The following HMG20A variants were observed in gnomAD, a reference collection of about 807,000 sequenced individuals.
The protein encoded by HMG20A is high mobility group 20A, also known as high mobility group protein 20A.
HMG20A carries 17 observed loss-of-function variants against 43.9 expected under a neutral mutation model. The ratio of observed to expected loss-of-function variants is 0.39; its 90% CI spans 0.27 to 0.58. HMG20A has a LOEUF of 0.58. HMG20A is among the 20% of genes least tolerant of loss of function. The probability of loss-of-function intolerance (pLI) is 0.59; values close to 1 mark genes in which losing one functional copy is unlikely to be tolerated. For synonymous variants in HMG20A, 132 were observed against 147.5 expected (o/e 0.89, Z 0.76); for missense variants, 341 against 438.2 (o/e 0.78, Z 1.98).
the HMG20A span, among the ~76,000 whole-genome samples, chr15:77,495,560 GAAC>G: frequency 2.0e-5 from 3 of 151,836 alleles, no homozygotes; most frequent in East Asian, 3.9e-4. Context: ...AAAAAATAAA[GAAC>G]AACAACAAAA....
At chr15:77,461,134 G>A (rs74782864) in intron 2 of HMG20A, among the ~76,000 whole-genome samples, 1 of 152,112 alleles carries the variant, frequency 6.6e-6, no homozygotes, top group African/African-American at 2.4e-5. Context: ...GAGGGGAAAA[G>A]ATCAACTGTG....
the HMG20A span, among the ~76,000 whole-genome samples, chr15:77,514,335 T>C: frequency 6.6e-6 from 1 of 152,310 alleles, no homozygotes; most frequent in Middle Eastern, 3.4e-3. Flanking sequence ...ATTTCATTTC[T>C]ATGAAGGTCA....
intron 4 of HMG20A, among the ~76,000 whole-genome samples, chr15:77,470,048 A>C (rs1345081702): frequency 6.6e-6 from 1 of 152,168 alleles, no homozygotes; most frequent in Non-Finnish European, 1.5e-5. Context: ...AATAGTATGA[A>C]GTTTTTTCTA....
chr15:77,443,457 TCTCACCTC>T, intron 1 of HMG20A, among the ~76,000 whole-genome samples: 1 of 149,626 alleles, frequency 6.7e-6, no homozygotes, highest in East Asian at 2.0e-4. Flanking sequence ...AGTGGCACGA[TCTCACCTC>T]ACTGCAACAT....
chr15:77,468,006 C>G (rs1278913346), intron 4 of HMG20A, among the ~76,000 whole-genome samples: 2 of 152,208 alleles, frequency 1.3e-5, no homozygotes, highest in Non-Finnish European at 2.9e-5. Context: ...GTCTTAAACT[C>G]TTTTATGACT....
intron 4 of HMG20A, among the ~76,000 whole-genome samples, chr15:77,468,033 G>A (rs2072772459): frequency 6.6e-6 from 1 of 152,152 alleles, no homozygotes; most frequent in Non-Finnish European, 1.5e-5. Flanking sequence ...TTTTAAAAAG[G>A]ATTCCAGACA....
intron 1 of HMG20A, among the ~76,000 whole-genome samples, chr15:77,450,128 AT>A (rs2073719422): frequency 6.6e-6 from 1 of 151,706 alleles, no homozygotes; most frequent in African/African-American, 2.4e-5. Flanking sequence ...TTATTTATTT[AT>A]TTTTTTATTT....
chr15:77,481,506 T>C (rs2072905475), intron 9 of HMG20A, among the ~76,000 whole-genome samples: 1 of 152,232 alleles, frequency 6.6e-6, no homozygotes, highest in African/African-American at 2.4e-5. Flanking sequence ...TTCACATAGA[T>C]ACAGGGCAGC....
chr15:77,441,658 C>T (rs1056670853), intron 1 of HMG20A, among the ~76,000 whole-genome samples: 2 of 152,156 alleles, frequency 1.3e-5, no homozygotes, highest in Non-Finnish European at 1.5e-5. Context: ...GTAGTTTATG[C>T]AGCATATCAT....
At chr15:77,470,857 T>A (rs1388584700) in intron 4 of HMG20A, 53 bp from the exon 5 acceptor site, 2 of 1,438,948 alleles carry the variant, frequency 1.4e-6, no homozygotes, top group Non-Finnish European at 1.8e-6. Flanking sequence ...TAATTTAATT[T>A]TATTTAAATA....
At chr15:77,450,638 A>G (rs2073726498) in intron 1 of HMG20A, among the ~76,000 whole-genome samples, 1 of 152,244 alleles carries the variant, frequency 6.6e-6, no homozygotes. Context: ...CATACCATTA[A>G]TACAATGAAA....
chr15:77,449,297 C>G (rs191598941), intron 1 of HMG20A, among the ~76,000 whole-genome samples: 48 of 152,164 alleles, frequency 3.2e-4, no homozygotes, highest in South Asian at 1.0e-3. Context: ...TCTCTCTCCT[C>G]GTCTTTTTCC....
At chr15:77,477,083 G>A (rs1349945597) in intron 6 of HMG20A, among the ~76,000 whole-genome samples, 1 of 152,100 alleles carries the variant, frequency 6.6e-6, no homozygotes, top group Non-Finnish European at 1.5e-5. Context: ...ATTGCTCATA[G>A]CAGTTACATT....
At chr15:77,438,855 A>C (rs1480053259) in intron 1 of HMG20A, among the ~76,000 whole-genome samples, 1 of 152,006 alleles carries the variant, frequency 6.6e-6, no homozygotes, top group Non-Finnish European at 1.5e-5. Flanking sequence ...CAGTGGCGTG[A>C]TCTCGGCTCA....
At chr15:77,467,603 G>A (rs1163712869) in intron 4 of HMG20A, among the ~76,000 whole-genome samples, 1 of 152,162 alleles carries the variant, frequency 6.6e-6, no homozygotes, top group Non-Finnish European at 1.5e-5. Context: ...TAAGAAATCT[G>A]TCAATAAAAT....
chr15:77,440,669 G>C (rs751612231), intron 1 of HMG20A, among the ~76,000 whole-genome samples: 1 of 152,112 alleles, frequency 6.6e-6, no homozygotes, highest in Non-Finnish European at 1.5e-5. Flanking sequence ...CTGTATTCAG[G>C]GGAAGGAAAC....
At chr15:77,514,972 G>GA in the HMG20A span, among the ~76,000 whole-genome samples, 20 of 152,176 alleles carry the variant, frequency 1.3e-4, no homozygotes, top group African/African-American at 4.8e-4. Context: ...AGGAGTCCTA[G>GA]AAATGTCCAG....
chr15:77,503,795 C>T, the HMG20A span, among the ~76,000 whole-genome samples: 1 of 152,224 alleles, frequency 6.6e-6, no homozygotes, highest in Non-Finnish European at 1.5e-5. Flanking sequence ...GATTCAGTCA[C>T]TCTGGGGTAG....
intron 2 of HMG20A, 128 bp from the exon 3 acceptor site, chr15:77,464,112 A>G: frequency 6.6e-6 from 7 of 1,064,708 alleles, no homozygotes; most frequent in South Asian, 4.8e-5. Context: ...CGTTGTTTAC[A>G]TTTATACAGA....
Sources: allele counts gnomAD v4.1 joint callset (sites outside exome capture counted in the v4.1 genomes callset), GRCh38; gene constraint gnomAD v4.1.1; transcripts MANE v1.5; gene names NCBI Gene and HGNC (gene_info 2026-07-23, HGNC 2026-07-21).